Variants in PCDHA12 observed in about 807,000 individuals in gnomAD.
PCDHA12 encodes the protein protocadherin alpha 12.
Under a neutral mutation model 60.0 loss-of-function variants are expected in PCDHA12, and 44 were observed. The observed-to-expected ratio is 0.73, with a 90% CI of 0.58 to 0.94. The LOEUF (loss-of-function observed/expected upper bound fraction) is 0.94, where lower values mean the gene tolerates loss of function less well. Among genes scored for constraint, PCDHA12 ranks in the 40% least tolerant of loss-of-function variants. The pLI, the probability that PCDHA12 is intolerant of heterozygous loss-of-function variation, is 0.00. For missense variants in PCDHA12, 1,276 were observed against 1,239.7 expected (o/e 1.03, Z -0.44); for synonymous variants, 569 against 553.0 (o/e 1.03, Z -0.40).
intron 1 of PCDHA12, among the ~76,000 whole-genome samples, chr5:140,879,556 A>G (rs2058036538): frequency 6.6e-6 from 1 of 152,240 alleles, no homozygotes; most frequent in South Asian, 2.1e-4. Context: ...AAAATAATCC[A>G]TGAAAGAATA....
At chr5:140,999,400 A>G (rs1331954466) in intron 3 of PCDHA12, among the ~76,000 whole-genome samples, 2 of 152,150 alleles carry the variant, frequency 1.3e-5, no homozygotes, top group Admixed American at 6.5e-5. Flanking sequence ...TGTTTTGCAT[A>G]TGAAAGAATG....
chr5:140,899,468 G>C (rs1243330987), intron 1 of PCDHA12, among the ~76,000 whole-genome samples: 2 of 152,080 alleles, frequency 1.3e-5, no homozygotes, highest in African/African-American at 4.8e-5. Context: ...TTTGTCTTTG[G>C]TTCTGTTTAT....
At chr5:140,946,210 G>C (rs140796631) in intron 1 of PCDHA12, among the ~76,000 whole-genome samples, 1 of 152,052 alleles carries the variant, frequency 6.6e-6, no homozygotes, top group African/African-American at 2.4e-5. Flanking sequence ...GCACACAAAT[G>C]ACCAACAGGT....
At chr5:140,973,886 T>C (rs887432391) in intron 1 of PCDHA12, among the ~76,000 whole-genome samples, 2 of 152,242 alleles carry the variant, frequency 1.3e-5, no homozygotes, top group African/African-American at 4.8e-5. Flanking sequence ...TAATGTCAAT[T>C]TGCAAATGTT....
At chr5:140,930,902 T>C (rs1474835953) in intron 1 of PCDHA12, among the ~76,000 whole-genome samples, 1 of 152,212 alleles carries the variant, frequency 6.6e-6, no homozygotes, top group Non-Finnish European at 1.5e-5. Flanking sequence ...TTTAACTTAC[T>C]TTTCTACTTT....
intron 1 of PCDHA12, among the ~76,000 whole-genome samples, chr5:140,920,387 A>C (rs1163833842): frequency 6.6e-6 from 1 of 152,216 alleles, no homozygotes; most frequent in East Asian, 1.9e-4. Flanking sequence ...TCATATTACC[A>C]TCTGGTGTCT....
intron 3 of PCDHA12, among the ~76,000 whole-genome samples, chr5:140,995,010 T>A (rs1382186138): frequency 6.6e-6 from 1 of 152,156 alleles, no homozygotes; most frequent in Non-Finnish European, 1.5e-5. Context: ...TTGTTTATAT[T>A]TAGGAAAGAA....
chr5:140,893,568 C>T (rs1554185659), intron 1 of PCDHA12, among the ~76,000 whole-genome samples: 1 of 152,150 alleles, frequency 6.6e-6, no homozygotes, highest in Non-Finnish European at 1.5e-5. Flanking sequence ...TGTACTTCCT[C>T]AGTTTTTGCT....
intron 2 of PCDHA12, 35 bp from the exon 3 acceptor site, chr5:140,982,440 A>C: frequency 6.2e-6 from 10 of 1,613,042 alleles, no homozygotes; most frequent in Non-Finnish European, 8.5e-6. Context: ...AGAATTTATG[A>C]TCTAACCGTT....
chr5:140,972,919 C>T (rs1231455019), intron 1 of PCDHA12, among the ~76,000 whole-genome samples: 1 of 152,078 alleles, frequency 6.6e-6, no homozygotes, highest in African/African-American at 2.4e-5. Flanking sequence ...GCCTTGGCCT[C>T]CCAAAGTGCT....
At position 140,927,789 on chromosome 5, in the gene PCDHA12, A is replaced by G. The variant is rs781883935; in HGVS notation, c.2367+49950A>G. On this transcript the variant is annotated intron_variant, in intron 1 of 3. Transcript: ENST00000398631. The stretch of plus-strand genomic sequence containing the variant: ...GGGAGGTGCAAGTAGCTGCTTCACT[A>G]GGTCCGCCTGAAACGCTCTTGGAGG... 4 of 1,614,164 alleles carry G rather than the reference A, an allele frequency of 2.5e-6. No individual in the cohort carries two copies. The African/African-American group carries it at 4.0e-5, about 16-fold the overall frequency.
At chr5:140,914,613 G>A (rs2076780862) in intron 1 of PCDHA12, among the ~76,000 whole-genome samples, 1 of 151,852 alleles carries the variant, frequency 6.6e-6, no homozygotes, top group Non-Finnish European at 1.5e-5. Flanking sequence ...CTGCCATTTT[G>A]TAATTTGTTT....
rs189370080 is a variant in PCDHA12 at position 140,877,740 on chromosome 5, G to C, written c.2268G>C (p.Gln756His). 2.8e-3 allele frequency: 4,494 copies of C among 1,614,198 alleles called. 21 individuals carry two copies. Among genetic ancestry groups the C allele is most frequent in the African/African-American group, 0.01 (782 of 75,064 alleles). Residue 756 changes from glutamine (Q) to histidine (H), a missense_variant, in exon 1 of 4, where the codon CAG (glutamine) becomes CAC (histidine). By Grantham distance (24) the Gln-to-His change is conservative (BLOSUM62 0). Transcript: ENST00000398631. ...GGTCTTACTCGCAGCAGAGGAGGCA[G>C]AGGGTGTGCTCTGCAGAGAGCCCGC... ...GSWSYSQQRR[Q>H]RVCSAESPPK... is the part of the protein sequence containing the mutation.
chr5:140,905,342 TGTAA>T (rs2071759657), intron 1 of PCDHA12, among the ~76,000 whole-genome samples: 1 of 152,234 alleles, frequency 6.6e-6, no homozygotes, highest in Non-Finnish European at 1.5e-5. Context: ...ATCAGTTGGC[TGTAA>T]GTATTTGACT....
chr5:140,893,195 C>T (rs1445634918), intron 1 of PCDHA12, among the ~76,000 whole-genome samples: 2 of 152,164 alleles, frequency 1.3e-5, no homozygotes, highest in Admixed American at 1.3e-4. Context: ...GTGAATAGTG[C>T]TGCAGTAAGT....
At chr5:140,909,582 T>G (rs1407869706) in intron 1 of PCDHA12, among the ~76,000 whole-genome samples, 1 of 152,298 alleles carries the variant, frequency 6.6e-6, no homozygotes, top group Non-Finnish European at 1.5e-5. Flanking sequence ...TGTGATATGT[T>G]TTTTGATTTA....
intron 1 of PCDHA12, among the ~76,000 whole-genome samples, chr5:140,901,222 C>A (rs1336015424): frequency 6.6e-6 from 1 of 151,984 alleles, no homozygotes; most frequent in Admixed American, 6.6e-5. Context: ...TGATGTGATC[C>A]CATATATCCA....
At chr5:141,006,403 C>T (rs2098271999) in intron 3 of PCDHA12, among the ~76,000 whole-genome samples, 1 of 151,934 alleles carries the variant, frequency 6.6e-6, no homozygotes, top group Non-Finnish European at 1.5e-5. Context: ...TTAGTAGAGA[C>T]GCGGTTTCAC....
At chr5:140,953,527 A>T (rs531720224) in intron 1 of PCDHA12, among the ~76,000 whole-genome samples, 153 of 152,150 alleles carry the variant, frequency 1.0e-3, no homozygotes, top group African/African-American at 2.9e-3. Flanking sequence ...AAAACGGGAA[A>T]CTCACTTCAT....
Sources: allele counts gnomAD v4.1 joint callset (sites outside exome capture counted in the v4.1 genomes callset), GRCh38; gene constraint gnomAD v4.1.1; transcripts MANE v1.5; gene names NCBI Gene and HGNC (gene_info 2026-07-23, HGNC 2026-07-21).